ZNF678: variants seen among roughly 807,000 people sequenced by gnomAD.
ZNF678 encodes the protein zinc finger protein 678, also known as hypothetical protein MGC42493.
Under a neutral mutation model 3.0 loss-of-function variants are expected in ZNF678, and 5 were observed. The observed-to-expected ratio is 1.69, with a 90% CI of 0.88 to 3.56. The LOEUF (loss-of-function observed/expected upper bound fraction) is 3.56, where lower values mean the gene tolerates loss of function less well. Ranked by LOEUF, ZNF678 falls within the 30% of genes most tolerant of loss-of-function variation. The probability of loss-of-function intolerance (pLI) is 0.00; values close to 1 mark genes in which losing one functional copy is unlikely to be tolerated. For missense variants in ZNF678, 593 were observed against 605.0 expected, an observed-to-expected ratio of 0.98 and a Z score of 0.21; for synonymous variants, 218 against 199.6, an observed-to-expected ratio of 1.09 and a Z score of -0.78.
chr1:227,634,785 G>T (rs763981785), intron 1 of ZNF678, among the ~76,000 whole-genome samples: 1 of 152,180 alleles, frequency 6.6e-6, no homozygotes, highest in Non-Finnish European at 1.5e-5. Context: ...GGGCCTAGGA[G>T]AACTTACTGC....
intron 1 of ZNF678, among the ~76,000 whole-genome samples, chr1:227,626,456 G>A (rs1203228181): frequency 1.3e-5 from 2 of 152,182 alleles, no homozygotes; most frequent in African/African-American, 4.8e-5. Flanking sequence ...ATGTCACCAG[G>A]TTGGAATAAT....
Position 227,658,133 on chromosome 1 carries a change from A to C in ZNF678, c.*2305A>C, listed in dbSNP as rs1040724794. ...TTAGTATATTTTATTTTTGTATTTCAATTGGAGAACCCTATTTTGGCCAAT... is the reference window on the plus strand; with the variant it reads ...TTAGTATATTTTATTTTTGTATTTCCATTGGAGAACCCTATTTTGGCCAAT... On this transcript the variant is annotated 3_prime_UTR_variant, in exon 4 of 4. Coordinates refer to ENST00000343776, the MANE Select transcript of ZNF678 (RefSeq NM_001367909.1). 3.3e-5 allele frequency: 5 copies of C among 152,100 alleles called. No individual in the cohort carries two copies. The South Asian group carries it at 1.0e-3, about 32-fold the overall frequency. 9.4% of individuals were successfully genotyped at this position (152,100 alleles called of 1,614,324 possible). A position where few individuals can be genotyped will look rare whatever the true frequency, so the allele number is the denominator to read the frequency against.
intron 5 of ZNF678, among the ~76,000 whole-genome samples, chr1:227,674,608 C>T (rs77532531): frequency 0.26 from 30,789 of 118,256 alleles, 3,319 homozygotes; most frequent in East Asian, 0.31. Flanking sequence ...TTTTTTTTTT[C>T]TTTTTTTTTT....
intron 1 of ZNF678, among the ~76,000 whole-genome samples, chr1:227,631,850 C>T (rs535263229): frequency 6.6e-6 from 1 of 152,332 alleles, no homozygotes; most frequent in East Asian, 1.9e-4. Flanking sequence ...GAGATAATTC[C>T]TCTCTTGGCA....
At chr1:227,625,554 T>C (rs1054940574) in intron 1 of ZNF678, among the ~76,000 whole-genome samples, 4 of 151,866 alleles carry the variant, frequency 2.6e-5, no homozygotes, top group African/African-American at 7.3e-5. Context: ...AACAAGGAGG[T>C]TAAAGATACA....
At chr1:227,598,688 C>G (rs1234850523) in intron 1 of ZNF678, 4 of 519,048 alleles carry the variant, frequency 7.7e-6, no homozygotes, top group Non-Finnish European at 1.4e-5. Context: ...ACTTCTTTTT[C>G]TTTTTTAAAC....
chr1:227,574,651 G>C (rs1366223888), intron 1 of ZNF678, among the ~76,000 whole-genome samples: 2 of 152,070 alleles, frequency 1.3e-5, no homozygotes, highest in African/African-American at 2.4e-5. Context: ...CTGGGTAGAA[G>C]CTCTTTAGTT....
chr1:227,570,271 T>C (rs1656804101), intron 1 of ZNF678, among the ~76,000 whole-genome samples: 1 of 152,248 alleles, frequency 6.6e-6, no homozygotes, highest in Non-Finnish European at 1.5e-5. Flanking sequence ...GGGTCACTAG[T>C]ATGATGCCCT....
Position 227,654,678 on chromosome 1 carries a change from A to G in ZNF678, c.428A>G (p.His143Arg), listed in dbSNP as rs755384621. 1.3e-5 allele frequency: 21 copies of G among 1,613,206 alleles called. No individual in the cohort carries two copies. Among genetic ancestry groups the G allele is most frequent in the Non-Finnish European group, 1.4e-5 (17 of 1,179,578 alleles). Residue 143 changes from histidine to arginine, a missense_variant, in exon 4 of 4, where the codon CAT (histidine) becomes CGT (arginine). By Grantham distance (29) the His-to-Arg change is conservative (BLOSUM62 0). Coordinates refer to ENST00000343776, the MANE Select transcript of ZNF678 (RefSeq NM_001367909.1). ...VFNRCSNLTK[H>R]KRIHTGEKPY... is the part of the protein sequence containing the mutation. ...AATCGATGTTCAAACCTAACAAAACATAAAAGAATTCATACTGGAGAGAAA... is the reference window on the plus strand; with the variant it reads ...AATCGATGTTCAAACCTAACAAAACGTAAAAGAATTCATACTGGAGAGAAA...
intron 1 of ZNF678, among the ~76,000 whole-genome samples, chr1:227,615,899 T>C (rs1658130705): frequency 6.6e-6 from 1 of 152,212 alleles, no homozygotes; most frequent in Non-Finnish European, 1.5e-5. Flanking sequence ...AGTCTGCCCT[T>C]GGACAGCTGA....
chr1:227,569,460 T>G (rs1656779726), intron 1 of ZNF678, among the ~76,000 whole-genome samples: 2 of 152,312 alleles, frequency 1.3e-5, no homozygotes, highest in Admixed American at 1.3e-4. Flanking sequence ...AAATTTATTG[T>G]TTTTAAAATT....
chr1:227,567,834 A>T (rs1315237006), intron 1 of ZNF678, among the ~76,000 whole-genome samples: 2 of 152,102 alleles, frequency 1.3e-5, no homozygotes, highest in Admixed American at 6.5e-5. Context: ...GGTTAGTTAC[A>T]TATGTATACA....
chr1:227,586,201 AAAAT>A (rs912931278), intron 1 of ZNF678, among the ~76,000 whole-genome samples: 26 of 147,068 alleles, frequency 1.8e-4, no homozygotes, highest in Admixed American at 1.6e-3. Context: ...TCCAAAAAAT[AAAAT>A]AAATAAGCAA....
intron 1 of ZNF678, among the ~76,000 whole-genome samples, chr1:227,616,120 C>T (rs1296256020): frequency 6.6e-6 from 1 of 152,188 alleles, no homozygotes; most frequent in African/African-American, 2.4e-5. Flanking sequence ...TGACCTCCCC[C>T]AAGAGGCCGT....
intron 1 of ZNF678, among the ~76,000 whole-genome samples, chr1:227,618,871 T>C (rs1571890769): frequency 6.6e-6 from 1 of 152,188 alleles, no homozygotes; most frequent in East Asian, 1.9e-4. Context: ...TACCTGAGAC[T>C]GGGTAATTTA....
At chr1:227,614,615 C>T (rs1658099527) in intron 1 of ZNF678, among the ~76,000 whole-genome samples, 1 of 152,204 alleles carries the variant, frequency 6.6e-6, no homozygotes, top group Admixed American at 6.5e-5. Flanking sequence ...TTTGTTCAGA[C>T]CCCTCTTTTT....
chr1:227,650,877 C>A, intron 2 of ZNF678, 79 bp from the exon 3 acceptor site: 1 of 1,069,460 alleles, frequency 9.4e-7, no homozygotes, highest in Non-Finnish European at 1.3e-6. Flanking sequence ...ATGTCATCAA[C>A]AAACAGCAGT....
chr1:227,626,434 T>C (rs1658417437), intron 1 of ZNF678, among the ~76,000 whole-genome samples: 1 of 152,178 alleles, frequency 6.6e-6, no homozygotes, highest in South Asian at 2.1e-4. Context: ...GGGAAGGGAC[T>C]TCACTAATAC....
At chr1:227,632,166 C>T (rs908210559) in intron 1 of ZNF678, among the ~76,000 whole-genome samples, 2 of 152,098 alleles carry the variant, frequency 1.3e-5, no homozygotes, top group African/African-American at 4.8e-5. Context: ...GAGCTGTGTA[C>T]CTAAATTGGG....
Sources: allele counts gnomAD v4.1 joint callset (sites outside exome capture counted in the v4.1 genomes callset), GRCh38; gene constraint gnomAD v4.1.1; transcripts MANE v1.5; gene names NCBI Gene and HGNC (gene_info 2026-07-23, HGNC 2026-07-21).